LDB2: variants seen among roughly 807,000 people sequenced by gnomAD.
LDB2 encodes LIM domain-binding protein 2.
LDB2 carries 12 observed loss-of-function variants against 44.3 expected under a neutral mutation model. That is an observed-to-expected ratio of 0.27 (90% CI 0.17 to 0.44). The LOEUF is 0.44. Among genes scored for constraint, LDB2 ranks in the 20% least tolerant of loss-of-function variants. The probability of loss-of-function intolerance (pLI) is 1.00; values close to 1 mark genes in which losing one functional copy is unlikely to be tolerated. For synonymous variants in LDB2, 164 were observed against 174.8 expected (o/e 0.94, Z 0.49); for missense variants, 344 against 473.5 (o/e 0.73, Z 2.54).
chr4:16,602,049 T>G (rs1048460046), intron 2 of LDB2, among the ~76,000 whole-genome samples: 5 of 152,228 alleles, frequency 3.3e-5, no homozygotes, highest in African/African-American at 1.2e-4. Flanking sequence ...ACTTTCATTC[T>G]AATATGCCTT....
At chr4:16,651,971 A>T (rs1738408154) in intron 2 of LDB2, among the ~76,000 whole-genome samples, 1 of 152,142 alleles carries the variant, frequency 6.6e-6, no homozygotes, top group Non-Finnish European at 1.5e-5. Flanking sequence ...TCTTTATTTC[A>T]GACAGGATTT....
At chr4:16,621,518 T>A (rs575307293) in intron 2 of LDB2, among the ~76,000 whole-genome samples, 79 of 152,368 alleles carry the variant, frequency 5.2e-4, no homozygotes, top group African/African-American at 1.8e-3. Context: ...AAATTATGCT[T>A]CTAAATCAAT....
At chr4:16,825,611 T>A (rs1457418002) in intron 1 of LDB2, among the ~76,000 whole-genome samples, 3 of 151,998 alleles carry the variant, frequency 2.0e-5, no homozygotes, top group East Asian at 1.9e-4. Flanking sequence ...CTTTTTTTTT[T>A]AAACTGAGCC....
chr4:16,759,095 C>A (rs1002820695), intron 2 of LDB2, 63 bp downstream of exon 2: 1 of 1,028,720 alleles, frequency 9.7e-7, no homozygotes, highest in Non-Finnish European at 1.5e-6. Context: ...TCTCTGAAGA[C>A]CCCTGCGGTT....
At chr4:16,714,767 A>G (rs950174491) in intron 2 of LDB2, among the ~76,000 whole-genome samples, 2 of 151,794 alleles carry the variant, frequency 1.3e-5, no homozygotes, top group Non-Finnish European at 2.9e-5. Context: ...GCTGCTGGTA[A>G]CCCTTGGAGT....
intron 5 of LDB2, among the ~76,000 whole-genome samples, chr4:16,577,108 A>C (rs1560524248): frequency 2.6e-5 from 4 of 152,300 alleles, no homozygotes; most frequent in African/African-American, 7.2e-5. Flanking sequence ...TACATGACAG[A>C]CCTACAGCTG....
At chr4:16,517,216 A>G (rs1386620824) in intron 5 of LDB2, among the ~76,000 whole-genome samples, 1 of 152,138 alleles carries the variant, frequency 6.6e-6, no homozygotes, top group Non-Finnish European at 1.5e-5. Context: ...CAAATTTTGT[A>G]CAAAATTTCT....
intron 1 of LDB2, among the ~76,000 whole-genome samples, chr4:16,766,510 A>T (rs2313974): frequency 0.021 from 2,631 of 126,992 alleles, 128 homozygotes; most frequent in African/African-American, 0.079. Flanking sequence ...GTGTGTATAT[A>T]TTTTTTTTTT....
intron 1 of LDB2, among the ~76,000 whole-genome samples, chr4:16,851,790 T>C (rs890191035): frequency 6.6e-6 from 1 of 152,120 alleles, no homozygotes; most frequent in African/African-American, 2.4e-5. Flanking sequence ...GAGACAGTCT[T>C]TTCCAAACAA....
intron 2 of LDB2, among the ~76,000 whole-genome samples, chr4:16,609,131 T>C (rs1027913817): frequency 4.6e-5 from 7 of 152,150 alleles, no homozygotes; most frequent in Admixed American, 4.6e-4. Context: ...GTGGCCTACC[T>C]GAGGGCCACA....
chr4:16,740,100 C>G (rs995416615), intron 2 of LDB2, among the ~76,000 whole-genome samples: 5 of 151,924 alleles, frequency 3.3e-5, no homozygotes, highest in African/African-American at 1.2e-4. Context: ...GGAAGAAAAA[C>G]AAAAATTAAA....
intron 1 of LDB2, among the ~76,000 whole-genome samples, chr4:16,827,849 C>T (rs910982220): frequency 6.6e-6 from 1 of 152,202 alleles, no homozygotes; most frequent in Non-Finnish European, 1.5e-5. Context: ...GGCCAGATGA[C>T]ACACTGGTTG....
chr4:16,786,321 T>A (rs780954107), intron 1 of LDB2, among the ~76,000 whole-genome samples: 6 of 152,172 alleles, frequency 3.9e-5, no homozygotes, highest in Non-Finnish European at 8.8e-5. Flanking sequence ...ACCACAAAAC[T>A]TTTGAGCATC....
intron 2 of LDB2, among the ~76,000 whole-genome samples, chr4:16,673,310 C>T (rs930074821): frequency 5.9e-5 from 9 of 152,174 alleles, no homozygotes; most frequent in Non-Finnish European, 1.0e-4. Flanking sequence ...TAAACTGAGA[C>T]TATGTTCAAA....
At chr4:16,731,550 A>G (rs1760765196) in intron 2 of LDB2, among the ~76,000 whole-genome samples, 1 of 152,160 alleles carries the variant, frequency 6.6e-6, no homozygotes, top group Non-Finnish European at 1.5e-5. Flanking sequence ...AGACACAAAA[A>G]AGTCAAGTGA....
intron 2 of LDB2, among the ~76,000 whole-genome samples, chr4:16,730,308 A>G (rs572807702): frequency 6.6e-6 from 1 of 152,244 alleles, no homozygotes; most frequent in South Asian, 2.1e-4. Context: ...ATTTTGCTTC[A>G]CGGTCATTAT....
At chr4:16,783,017 T>C (rs1444031831) in intron 1 of LDB2, among the ~76,000 whole-genome samples, 1 of 152,178 alleles carries the variant, frequency 6.6e-6, no homozygotes, top group Non-Finnish European at 1.5e-5. Flanking sequence ...CTCCAGGAGA[T>C]GACATTTGAG....
intron 1 of LDB2, among the ~76,000 whole-genome samples, chr4:16,864,903 C>A (rs1480891145): frequency 1.3e-5 from 2 of 150,374 alleles, no homozygotes; most frequent in East Asian, 4.0e-4. Flanking sequence ...CCAGCCTGGG[C>A]AAAAGAGAGA....
intron 3 of LDB2, among the ~76,000 whole-genome samples, chr4:16,592,917 C>A (rs1719630793): frequency 6.6e-6 from 1 of 152,054 alleles, no homozygotes; most frequent in Non-Finnish European, 1.5e-5. Flanking sequence ...ATTCTGAAAA[C>A]CTTGATGTCT....
Sources: gnomAD v4.1 joint callset for allele counts (sites outside exome capture counted in the v4.1 genomes callset) on GRCh38, gnomAD v4.1.1 for gene constraint, MANE v1.5 for transcripts, NCBI Gene and HGNC (gene_info 2026-07-23, HGNC 2026-07-21) for gene names.